Variants in ZUP1 observed in about 807,000 individuals in gnomAD.
The protein encoded by ZUP1 is zinc finger containing ubiquitin peptidase 1.
In ZUP1, 55 loss-of-function variants were observed where a neutral mutation model predicts 68.1. That is an observed-to-expected ratio of 0.81 (90% confidence interval 0.65 to 1.01). The LOEUF (loss-of-function observed/expected upper bound fraction) is 1.01, where lower values mean the gene tolerates loss of function less well. ZUP1 is among the 50% of genes least tolerant of loss of function. ZUP1 has a pLI of 0.00. For synonymous variants in ZUP1, 223 were observed against 221.5 expected (o/e 1.01, Z -0.06); for missense variants, 684 against 674.9 (o/e 1.01, Z -0.15).
At chr6:116,647,187 C>T (rs1033199151) in intron 8 of ZUP1, among the ~76,000 whole-genome samples, 30 of 152,058 alleles carry the variant, frequency 2.0e-4, no homozygotes, top group Admixed American at 1.8e-3. Flanking sequence ...GGTGAAACCC[C>T]GTTTCTACTA....
intron 7 of ZUP1, among the ~76,000 whole-genome samples, 187 bp from the exon 8 acceptor site, chr6:116,647,797 CTATT>C (rs1428123456): frequency 1.3e-5 from 2 of 152,096 alleles, no homozygotes; most frequent in Non-Finnish European, 2.9e-5. Flanking sequence ...TGGGGGATAA[CTATT>C]TAACAATTCT....
intron 9 of ZUP1, among the ~76,000 whole-genome samples, chr6:116,638,334 G>A (rs1046616214): frequency 6.6e-6 from 1 of 151,950 alleles, no homozygotes; most frequent in Non-Finnish European, 1.5e-5. Context: ...CACACCAAGT[G>A]GAAATTTTTC....
intron 4 of ZUP1, 86 bp downstream of exon 4, chr6:116,658,717 C>A: frequency 7.5e-7 from 1 of 1,332,066 alleles, no homozygotes; most frequent in Non-Finnish European, 1.0e-6. Flanking sequence ...TGAATAATAA[C>A]AAGGACAAAA....
intron 4 of ZUP1, among the ~76,000 whole-genome samples, chr6:116,657,170 T>C (rs913286450): frequency 3.9e-5 from 6 of 152,206 alleles, no homozygotes; most frequent in Non-Finnish European, 7.4e-5. Flanking sequence ...TCTGAATGCA[T>C]TGCTGATTTT....
intron 4 of ZUP1, 147 bp downstream of exon 4, chr6:116,658,656 A>G (rs2114273994): frequency 1.5e-6 from 1 of 686,406 alleles, no homozygotes; most frequent in East Asian, 3.2e-5. Context: ...GTGCCTCACT[A>G]GAATGAATAT....
intron 9 of ZUP1, among the ~76,000 whole-genome samples, chr6:116,641,798 A>G (rs950923503): frequency 6.6e-6 from 1 of 152,188 alleles, no homozygotes; most frequent in African/African-American, 2.4e-5. Flanking sequence ...GCAAGAGCAA[A>G]CACATTCAAA....
chr6:116,651,720 T>A lies in ZUP1; in HGVS notation c.1168A>T (p.Ile390Phe). 6.2e-7 allele frequency: 1 copy of A among 1,613,622 alleles called. No homozygotes were observed. The highest frequency in any genetic ancestry group is 8.5e-7 in the Non-Finnish European group (1 of 1,179,776). The stretch of plus-strand genomic sequence containing the variant: ...TCAATCATAGATTGAATTTTTGGAA[T>A]GCAAGGAATCAACATACCTAAAATT... ...DCLKGMLIPC[I>F]PKIQSMIEDA... The change falls in exon 7 of 10, where the codon ATT becomes TTT. Residue 390 changes from isoleucine (I) to phenylalanine (F), a missense_variant. By Grantham distance (21) the Ile-to-Phe change is conservative. Coordinates refer to ENST00000368576, the MANE Select transcript of ZUP1 (RefSeq NM_145062.3).
chr6:116,643,635 A>G (rs1456582114), intron 9 of ZUP1, among the ~76,000 whole-genome samples: 2 of 152,344 alleles, frequency 1.3e-5, no homozygotes, highest in South Asian at 4.1e-4. Context: ...GGCTGGCCAT[A>G]TGTAGAAAGC....
In ZUP1 at chr6:116,667,147, C is replaced by G. The variant is rs1289504024; in HGVS notation, c.46G>C (p.Asp16His). Residue 16 changes from aspartate (D) to histidine (H), a missense_variant, in exon 2 of 10, where the codon GAC (aspartate) becomes CAC (histidine). Transcript: ENST00000368576. ...TGAACAATTAGGTGAGCTTTCATGT[C>G]TGGTTCTGAGGTTACTGTTTCACCA... is the stretch of plus-strand genomic sequence containing the variant. ...ICGETVTSEP[D>H]MKAHLIVHME... 6.2e-7 allele frequency: 1 copy of G among 1,610,274 alleles called. No homozygotes were observed. Among genetic ancestry groups the G allele is most frequent in the Non-Finnish European group, 8.5e-7 (1 of 1,178,232 alleles).
At chr6:116,638,116 G>C (rs2115375345) in intron 9 of ZUP1, among the ~76,000 whole-genome samples, 1 of 149,808 alleles carries the variant, frequency 6.7e-6, no homozygotes, top group South Asian at 2.1e-4. Context: ...TTATGAGACT[G>C]AAAAGATTAT....
intron 2 of ZUP1, among the ~76,000 whole-genome samples, chr6:116,662,802 C>T (rs187991935): frequency 6.6e-6 from 1 of 152,280 alleles, no homozygotes; most frequent in East Asian, 1.9e-4. Flanking sequence ...CCTTTGCTCC[C>T]TTTCACCACT....
At position 116,646,669 on chromosome 6, in the gene ZUP1, G is replaced by A. The variant is rs917852488; in HGVS notation, c.1469-735C>T. ...GGCTCACTATAGCCCCCAACTCCAA[G>A]GCTCAAGTGACCCTCCCACCTCAGC... On this transcript the variant is annotated intron_variant, in intron 8 of 9. Coordinates refer to ENST00000368576, the MANE Select transcript of ZUP1 (RefSeq NM_145062.3). Among the ~76,000 whole-genome samples the A allele has an allele frequency of 2.7e-4, 41 of 152,166 alleles. 1 individual carries two copies. Among genetic ancestry groups the A allele is most frequent in the Non-Finnish European group, 2.9e-5 (2 of 68,024 alleles).
rs59393240 is a variant in ZUP1 at position 116,645,583 on chromosome 6, CAAAAAAAAA to C, written c.1689+122_1689+130del. On this transcript the variant is annotated intron_variant, in intron 9 of 9. Transcript: ENST00000368576. ...GGTCAACAGAGTGAGACCCTGTCTC[CAAAAAAAAA>C]AAAAAAAAAGAAAAAGAATAGAAAA... is the stretch of plus-strand genomic sequence containing the variant. 173 of 431,302 alleles carry C rather than the reference CAAAAAAAAA, an allele frequency of 4.0e-4. 1 individual carries two copies. In the African/African-American group the frequency reaches 6.0e-3, roughly 15 times the overall value. The allele number at this position is 431,302 out of a possible 1,614,324, so 26.7% of individuals were successfully genotyped here.
At chr6:116,654,441 G>C (rs1350929549) in intron 5 of ZUP1, among the ~76,000 whole-genome samples, 1 of 151,786 alleles carries the variant, frequency 6.6e-6, no homozygotes, top group Non-Finnish European at 1.5e-5. Flanking sequence ...AATAAATTCT[G>C]GGTGGATTTA....
intron 9 of ZUP1, among the ~76,000 whole-genome samples, chr6:116,641,065 A>G (rs1776081681): frequency 6.7e-6 from 1 of 149,614 alleles, no homozygotes. Context: ...CAGACTTTAA[A>G]TCAACAAAGA....
chr6:116,658,515 C>T (rs939026458), intron 4 of ZUP1, among the ~76,000 whole-genome samples: 2 of 152,066 alleles, frequency 1.3e-5, no homozygotes, highest in African/African-American at 4.8e-5. Context: ...TGACACTGAG[C>T]AAATTACTTA....
intron 4 of ZUP1, among the ~76,000 whole-genome samples, chr6:116,658,262 C>T (rs1259338078): frequency 6.6e-6 from 1 of 151,964 alleles, no homozygotes; most frequent in African/African-American, 2.4e-5. Flanking sequence ...ACAGGTAAAA[C>T]CACCCACCTA....
At chr6:116,637,082 T>C (rs559597905) in intron 9 of ZUP1, among the ~76,000 whole-genome samples, 1 of 152,264 alleles carries the variant, frequency 6.6e-6, no homozygotes, top group East Asian at 1.9e-4. Flanking sequence ...TTTCAAAATG[T>C]AATATCTTTT....
intron 7 of ZUP1, among the ~76,000 whole-genome samples, chr6:116,650,560 GTACTT>G (rs1776460034): frequency 6.6e-6 from 1 of 151,622 alleles, no homozygotes; most frequent in African/African-American, 2.4e-5. Flanking sequence ...ACAGTTCTAA[GTACTT>G]TATTATCCCA....
Sources: gnomAD v4.1 joint callset for allele counts (sites outside exome capture counted in the v4.1 genomes callset) on GRCh38, gnomAD v4.1.1 for gene constraint, MANE v1.5 for transcripts, NCBI Gene and HGNC (gene_info 2026-07-23, HGNC 2026-07-21) for gene names.